CDH13: variants seen among roughly 807,000 people sequenced by gnomAD.
CDH13 encodes the protein cadherin-13.
Under a neutral mutation model 63.8 loss-of-function variants are expected in CDH13, and 24 were observed. That is an observed-to-expected ratio of 0.38 (90% CI 0.27 to 0.53). The LOEUF (loss-of-function observed/expected upper bound fraction) is 0.53. CDH13 is among the 20% of genes least tolerant of loss of function. CDH13 has a pLI of 0.85. For synonymous variants in CDH13, 503 were observed against 355.3 expected (o/e 1.42, Z -4.67); for missense variants, 1,049 against 903.1 (o/e 1.16, Z -2.07).
At chr16:82,789,502 C>G (rs2036183799) in intron 1 of CDH13, among the ~76,000 whole-genome samples, 1 of 152,136 alleles carries the variant, frequency 6.6e-6, no homozygotes, top group African/African-American at 2.4e-5. Flanking sequence ...CTTCGCCATT[C>G]AGGGATTCAA....
intron 7 of CDH13, among the ~76,000 whole-genome samples, chr16:83,508,100 G>GGAAGGAAGGAA (rs1567722270): frequency 8.4e-5 from 5 of 59,662 alleles, no homozygotes; most frequent in Non-Finnish European, 1.4e-4. Flanking sequence ...AGGAAGGAAA[G>GGAAGGAAGGAA]AAGGAAGGAA....
intron 7 of CDH13, among the ~76,000 whole-genome samples, chr16:83,501,146 C>T (rs930720882): frequency 6.6e-6 from 1 of 152,212 alleles, no homozygotes; most frequent in Non-Finnish European, 1.5e-5. Flanking sequence ...ATCTTTGCTT[C>T]CACAAATTCC....
intron 4 of CDH13, among the ~76,000 whole-genome samples, chr16:83,190,027 G>A (rs1455390514): frequency 1.3e-5 from 2 of 152,164 alleles, no homozygotes; most frequent in East Asian, 3.9e-4. Flanking sequence ...CCCCCACCAT[G>A]TGGAACTGTG....
chr16:83,177,099 G>T (rs981522859), intron 4 of CDH13, among the ~76,000 whole-genome samples: 1 of 152,164 alleles, frequency 6.6e-6, no homozygotes, highest in Non-Finnish European at 1.5e-5. Context: ...GATGTGGCTG[G>T]TGTGACCGAA....
At chr16:83,187,923 G>A (rs1269759044) in intron 4 of CDH13, among the ~76,000 whole-genome samples, 1 of 152,168 alleles carries the variant, frequency 6.6e-6, no homozygotes. Context: ...GTGCAGGGAT[G>A]CATCTATCTG....
intron 3 of CDH13, among the ~76,000 whole-genome samples, chr16:83,098,872 C>T (rs79947818): frequency 0.02 from 3,071 of 152,220 alleles, 118 homozygotes; most frequent in African/African-American, 0.069. Flanking sequence ...ACAGATAAGA[C>T]GTCAATGCTG....
intron 7 of CDH13, among the ~76,000 whole-genome samples, chr16:83,528,508 C>T (rs1026972246): frequency 6.6e-6 from 1 of 152,182 alleles, no homozygotes. Flanking sequence ...TAATAGTAGT[C>T]CCTAGTGGGG....
At chr16:83,625,431 C>T (rs1318803072) in intron 8 of CDH13, among the ~76,000 whole-genome samples, 3 of 152,090 alleles carry the variant, frequency 2.0e-5, no homozygotes, top group African/African-American at 7.2e-5. Context: ...TCTTCAGGTC[C>T]ATTTTCTTCA....
At chr16:83,448,864 G>C (rs780234772) in intron 6 of CDH13, among the ~76,000 whole-genome samples, 2 of 152,164 alleles carry the variant, frequency 1.3e-5, no homozygotes, top group Non-Finnish European at 2.9e-5. Flanking sequence ...TCTGAGCAAA[G>C]GTCACAGGAC....
intron 6 of CDH13, among the ~76,000 whole-genome samples, chr16:83,368,784 C>G (rs895816847): frequency 4.0e-5 from 6 of 150,332 alleles, no homozygotes; most frequent in Admixed American, 4.0e-4. Context: ...TTTTCCATTC[C>G]TGAGTTACTT....
At chr16:82,646,131 C>T (rs886185034) in intron 1 of CDH13, 1 of 152,228 alleles carries the variant, frequency 6.6e-6, no homozygotes, top group African/African-American at 2.4e-5. Flanking sequence ...AAAGGATGTG[C>T]CATCAACCAT....
At chr16:82,802,557 T>C (rs55642658) in intron 1 of CDH13, among the ~76,000 whole-genome samples, 13,372 of 152,156 alleles carry the variant, frequency 0.088, 649 homozygotes, top group South Asian at 0.11. Context: ...TGCAGAAGCA[T>C]GTGCATGATG....
intron 1 of CDH13, among the ~76,000 whole-genome samples, chr16:82,848,682 T>G (rs552035950): frequency 6.6e-6 from 1 of 152,252 alleles, no homozygotes; most frequent in African/African-American, 2.4e-5. Flanking sequence ...TTTACTCATC[T>G]GTCTCCTTCT....
At chr16:82,797,591 CAAAG>C (rs1462664768) in intron 1 of CDH13, among the ~76,000 whole-genome samples, 1 of 152,090 alleles carries the variant, frequency 6.6e-6, no homozygotes, top group African/African-American at 2.4e-5. Flanking sequence ...AACTAGAAAA[CAAAG>C]AGACTTCCTC....
At chr16:82,881,036 A>T (rs1441744731) in intron 2 of CDH13, among the ~76,000 whole-genome samples, 3 of 152,220 alleles carry the variant, frequency 2.0e-5, no homozygotes, top group African/African-American at 7.2e-5. Flanking sequence ...TGACCCTTTC[A>T]AATGGAATGC....
intron 1 of CDH13, among the ~76,000 whole-genome samples, chr16:82,668,513 G>GT (rs959916031): frequency 1.3e-5 from 2 of 152,070 alleles, no homozygotes; most frequent in South Asian, 2.1e-4. Flanking sequence ...TTAGGGCAAT[G>GT]TTTTTTTGTT....
chr16:83,779,406 CAAAAAAAAAA>C lies in CDH13; in HGVS notation c.1682-539_1682-530del, dbSNP rs144757645. On this transcript the variant is annotated intron_variant, in intron 11 of 13. Coordinates refer to ENST00000567109, the MANE Select transcript of CDH13 (RefSeq NM_001257.5). Reference sequence around the variant, plus strand: ...CGGGCGACAGCGCGAGACTCCATCTCAAAAAAAAAAAAAAAAAAAAAAAAAAAAAAAAGTC... The same window carrying C: ...CGGGCGACAGCGCGAGACTCCATCTCAAAAAAAAAAAAAAAAAAAAAAGTC... Among the ~76,000 whole-genome samples the C allele has an allele frequency of 7.7e-3, 633 of 82,408 alleles. 6 individuals are homozygous for C. The highest frequency in any genetic ancestry group is 0.034 in the African/African-American group (607 of 17,690). 54.1% of individuals were successfully genotyped at this position (82,408 alleles called of 152,430 possible). A position where few individuals can be genotyped will look rare whatever the true frequency, so the allele number is the denominator to read the frequency against.
At chr16:83,371,972 T>A (rs865866832) in intron 6 of CDH13, among the ~76,000 whole-genome samples, 1 of 152,240 alleles carries the variant, frequency 6.6e-6, no homozygotes, top group Non-Finnish European at 1.5e-5. Flanking sequence ...TATATAGGGA[T>A]ACCTTTGGGG....
At chr16:82,701,372 A>T (rs555365209) in intron 1 of CDH13, among the ~76,000 whole-genome samples, 2 of 152,230 alleles carry the variant, frequency 1.3e-5, no homozygotes. Flanking sequence ...GATTACTAAG[A>T]CTTTTAACAT....
Sources: gnomAD v4.1 joint callset for allele counts (sites outside exome capture counted in the v4.1 genomes callset) on GRCh38, gnomAD v4.1.1 for gene constraint, MANE v1.5 for transcripts, NCBI Gene and HGNC (gene_info 2026-07-23, HGNC 2026-07-21) for gene names.